Variants in STRN3 observed in about 807,000 individuals in gnomAD.
The protein encoded by STRN3 is striatin 3.
A neutral mutation model predicts 95.6 loss-of-function variants in STRN3; 29 were observed. That is an observed-to-expected ratio of 0.30 (90% CI 0.23 to 0.41). The LOEUF (loss-of-function observed/expected upper bound fraction) is 0.41, where lower values mean the gene tolerates loss of function less well. Ranked by LOEUF, STRN3 falls within the 10% of genes least tolerant of loss-of-function variation. STRN3 has a pLI of 1.00. For missense variants in STRN3, 890 were observed against 972.1 expected, an observed-to-expected ratio of 0.92 and a Z score of 1.12; for synonymous variants, 331 against 357.6, an observed-to-expected ratio of 0.93 and a Z score of 0.84.
At position 30,911,034 on chromosome 14, in the gene STRN3, T is replaced by TA. The variant is rs760684277; in HGVS notation, c.1720+6dup. On this transcript the variant is annotated splice_region_variant and intron_variant, in intron 13 of 17. Coordinates refer to ENST00000357479, the MANE Select transcript of STRN3 (RefSeq NM_001083893.2). ...TAAAAAAAATACATTTTGATCATTT[T>TA]ACTTACCATATGTATCATATGGATC... is the stretch of plus-strand genomic sequence containing the variant. 6.2e-6 allele frequency: 10 copies of TA among 1,607,040 alleles called. No individual in the cohort carries two copies. The African/African-American group carries it at 1.1e-4, about 17-fold the overall frequency.
chr14:30,903,764 ATATCCAACTG>A (rs1226972529), intron 15 of STRN3, among the ~76,000 whole-genome samples: 1 of 152,234 alleles, frequency 6.6e-6, no homozygotes, highest in Non-Finnish European at 1.5e-5. Flanking sequence ...GAACTTAAGT[ATATCCAACTG>A]GTGGTGTAAC....
intron 1 of STRN3, among the ~76,000 whole-genome samples, chr14:30,960,643 G>A (rs1005571226): frequency 1.3e-5 from 2 of 152,062 alleles, no homozygotes; most frequent in African/African-American, 4.8e-5. Context: ...GCTGAGGCGG[G>A]CAGATCACGA....
In STRN3 at chr14:31,026,087, C is replaced by A; in HGVS notation, c.99G>T (p.Gly33=). The A allele has an allele frequency of 6.5e-7, 1 of 1,529,412 alleles. No homozygotes were observed. The highest frequency in any genetic ancestry group is 8.8e-7 in the Non-Finnish European group (1 of 1,138,840). The allele number at this position is 1,529,412 out of a possible 1,614,324, so 94.7% of individuals were successfully genotyped here. The stretch of plus-strand genomic sequence containing the variant: ...CCCCGCCGCCCGCCGCTCCGTTCCC[C>A]CCGGGCGAAAGGCCCAGGTTCCCCC... ...GPGGNLGLSP[G]GNGAAGGGGP... Residue 33 remains glycine, a synonymous_variant, in exon 1 of 18, where the codon GGG becomes GGT. Transcript: ENST00000357479.
intron 1 of STRN3, among the ~76,000 whole-genome samples, chr14:30,967,264 AG>A (rs1447243428): frequency 1.2e-5 from 1 of 86,924 alleles, no homozygotes; most frequent in Non-Finnish European, 2.3e-5. Context: ...AGGCAGAGAG[AG>A]GGGGGAAGAG....
chr14:30,896,048 G>A (rs754910894), intron 16 of STRN3, among the ~76,000 whole-genome samples: 11 of 152,030 alleles, frequency 7.2e-5, no homozygotes, highest in Non-Finnish European at 1.2e-4. Context: ...TCCAACCCCT[G>A]ACCACTAATC....
chr14:30,930,175 AAC>A (rs1485936738), intron 7 of STRN3, among the ~76,000 whole-genome samples: 2 of 152,098 alleles, frequency 1.3e-5, no homozygotes, highest in Non-Finnish European at 2.9e-5. Context: ...CTAGAGGAAA[AAC>A]AGCACTAAAA....
chr14:31,004,082 G>A (rs1011528883), intron 1 of STRN3, among the ~76,000 whole-genome samples: 12 of 152,000 alleles, frequency 7.9e-5, no homozygotes, highest in African/African-American at 1.7e-4. Context: ...CCAAGCATTC[G>A]AGACCAGCTT....
chr14:30,972,324 A>C (rs1037341595), intron 1 of STRN3, among the ~76,000 whole-genome samples: 7 of 152,024 alleles, frequency 4.6e-5, no homozygotes, highest in African/African-American at 1.7e-4. Context: ...AAATTAGCCA[A>C]TCGGAATTAG....
At chr14:30,957,694 CT>C in intron 1 of STRN3, among the ~76,000 whole-genome samples, 1 of 152,116 alleles carries the variant, frequency 6.6e-6, no homozygotes, top group African/African-American at 2.4e-5. Context: ...AATTCTCTGC[CT>C]TTTTCTAGCC....
At chr14:30,939,611 G>C (rs1278295074) in intron 5 of STRN3, among the ~76,000 whole-genome samples, 2 of 152,182 alleles carry the variant, frequency 1.3e-5, no homozygotes, top group Middle Eastern at 3.4e-3. Flanking sequence ...AGTTCTGCTT[G>C]CTAGGAAATA....
intron 8 of STRN3, among the ~76,000 whole-genome samples, chr14:30,927,612 T>C (rs572807573): frequency 6.7e-6 from 1 of 148,660 alleles, no homozygotes; most frequent in Non-Finnish European, 1.5e-5. Context: ...TAAGCTACTT[T>C]ATTTCTTTAA....
At chr14:30,949,568 G>A (rs985027201) in intron 4 of STRN3, among the ~76,000 whole-genome samples, 2 of 152,220 alleles carry the variant, frequency 1.3e-5, no homozygotes, top group South Asian at 2.1e-4. Context: ...CTGAGATGGC[G>A]CCACTGTACT....
rs1491272307 is a variant in STRN3, at chr14:30,981,606, A to ACACACACACC, written c.283-25365_283-25364insGGTGTGTGTG. Among the ~76,000 whole-genome samples the ACACACACACC allele has an allele frequency of 1.5e-3, 219 of 148,594 alleles. No homozygotes were observed. The East Asian group carries it at 0.026, about 17-fold the overall frequency. Reference sequence around the variant, plus strand: ...CACACACACACACACACACACACACACCCCATAATTCAGTGTGCTAAAGCA... The same window carrying ACACACACACC: ...CACACACACACACACACACACACACACACACACACCCCCCATAATTCAGTGTGCTAAAGCA... On this transcript the variant is annotated intron_variant, in intron 1 of 17. Coordinates refer to ENST00000357479, the MANE Select transcript of STRN3 (RefSeq NM_001083893.2).
At chr14:30,929,050 A>G (rs886709268) in intron 8 of STRN3, 151 bp downstream of exon 8, 3 of 553,934 alleles carry the variant, frequency 5.4e-6, no homozygotes, top group African/African-American at 2.0e-5. Context: ...AATTATATAC[A>G]AACAAATTTC....
chr14:30,989,237 CACAA>C (rs1881834522), intron 1 of STRN3, among the ~76,000 whole-genome samples: 1 of 152,168 alleles, frequency 6.6e-6, no homozygotes, highest in Non-Finnish European at 1.5e-5. Flanking sequence ...TGGACCCTGC[CACAA>C]ACAGATTCTG....
At chr14:30,996,337 T>C (rs184502126) in intron 1 of STRN3, among the ~76,000 whole-genome samples, 1 of 152,278 alleles carries the variant, frequency 6.6e-6, no homozygotes, top group East Asian at 1.9e-4. Context: ...CTGCAAATGT[T>C]AAAACTTCCA....
intron 1 of STRN3, among the ~76,000 whole-genome samples, chr14:30,963,386 T>C (rs538715612): frequency 1.1e-4 from 16 of 152,262 alleles, no homozygotes; most frequent in East Asian, 1.9e-4. Flanking sequence ...ACCATGTAAA[T>C]TGAGTCACAA....
Position 30,895,660 on chromosome 14 carries a change from A to G in STRN3, c.2224+2T>C. On this transcript the variant is annotated splice_donor_variant, in intron 17 of 17. Transcript: ENST00000357479. LOFTEE classifies it high-confidence loss of function. Reference sequence around the variant, plus strand: ...TGGGCAGTACAGGACTTTAAGACTTACTTCCAGACATCAAATAGATTCCAT... The same window carrying G: ...TGGGCAGTACAGGACTTTAAGACTTGCTTCCAGACATCAAATAGATTCCAT... 6.2e-7 allele frequency: 1 copy of G among 1,612,802 alleles called. No homozygotes were observed.
chr14:31,015,895 C>T (rs940239597), intron 1 of STRN3, among the ~76,000 whole-genome samples: 11 of 152,136 alleles, frequency 7.2e-5, no homozygotes, highest in Non-Finnish European at 1.0e-4. Flanking sequence ...ACCTCTGGGG[C>T]TCAAGCAATC....
Sources: allele counts gnomAD v4.1 joint callset (sites outside exome capture counted in the v4.1 genomes callset), GRCh38; gene constraint gnomAD v4.1.1; transcripts MANE v1.5; gene names NCBI Gene and HGNC (gene_info 2026-07-23, HGNC 2026-07-21).